Variants in MBTD1 observed in about 807,000 individuals in gnomAD.
The protein encoded by MBTD1 is MBT domain-containing protein 1.
Under a neutral mutation model 87.8 loss-of-function variants are expected in MBTD1, and 24 were observed. The observed-to-expected ratio is 0.27, with a 90% CI of 0.20 to 0.38. MBTD1 has a LOEUF of 0.38. MBTD1 is among the 10% of genes least tolerant of loss of function. The pLI is 1.00. For synonymous variants in MBTD1, 237 were observed against 248.6 expected (o/e 0.95, Z 0.44); for missense variants, 436 against 760.2 (o/e 0.57, Z 5.02).
At chr17:51,260,239 G>C (rs1484034979), upstream of MBTD1, 1 of 441,588 alleles carries the variant, frequency 2.3e-6, no homozygotes, top group Non-Finnish European at 4.0e-6. Context: ...ACAGCCAAGA[G>C]GAAAAGCAGA....
At chr17:51,186,357 GGAAA>G in intron 16 of MBTD1, 1 of 152,388 alleles carries the variant, frequency 6.6e-6, no homozygotes, top group East Asian at 1.9e-4. Context: ...CTGAAAAGAA[GGAAA>G]GAGAGACTGA....
intron 2 of MBTD1, among the ~76,000 whole-genome samples, chr17:51,226,030 C>A (rs1051174804): frequency 6.6e-6 from 1 of 150,428 alleles, no homozygotes; most frequent in African/African-American, 2.4e-5. Context: ...CCGCCCACCT[C>A]GGCCTCCCAA....
chr17:51,241,591 C>T (rs975906207), intron 2 of MBTD1, among the ~76,000 whole-genome samples: 2 of 152,030 alleles, frequency 1.3e-5, no homozygotes, highest in Admixed American at 6.6e-5. Context: ...TTTGAGATAG[C>T]GTCTCGCTGT....
chr17:51,208,702 A>C (rs1390845922), intron 6 of MBTD1, among the ~76,000 whole-genome samples: 1 of 152,216 alleles, frequency 6.6e-6, no homozygotes, highest in Non-Finnish European at 1.5e-5. Context: ...AGGCGTGCTT[A>C]TGCTAATGAG....
upstream of MBTD1, chr17:51,260,634 C>G (rs1276495643): frequency 2.5e-6 from 4 of 1,612,438 alleles, no homozygotes; most frequent in Non-Finnish European, 3.4e-6. Context: ...AGAACCGGAG[C>G]GAAGCCGAAG....
intron 12 of MBTD1, among the ~76,000 whole-genome samples, chr17:51,200,316 A>ACTC (rs1242322550): frequency 1.3e-5 from 2 of 151,098 alleles, no homozygotes; most frequent in African/African-American, 4.9e-5. Flanking sequence ...AATCCCAGCT[A>ACTC]CTCAGGAGGC....
At chr17:51,239,783 C>A (rs959546353) in intron 2 of MBTD1, among the ~76,000 whole-genome samples, 18 of 152,120 alleles carry the variant, frequency 1.2e-4, no homozygotes, top group Admixed American at 9.2e-4. Context: ...AAAAAAAATC[C>A]CAGTTGAGAA....
intron 2 of MBTD1, among the ~76,000 whole-genome samples, chr17:51,238,417 A>G (rs1013121948): frequency 6.6e-6 from 1 of 152,220 alleles, no homozygotes; most frequent in Non-Finnish European, 1.5e-5. Flanking sequence ...AAGAAAGAGG[A>G]AGACGGTTGA....
At chr17:51,189,155 T>G (rs1274827762) in intron 16 of MBTD1, among the ~76,000 whole-genome samples, 1 of 125,096 alleles carries the variant, frequency 8.0e-6, no homozygotes, top group African/African-American at 3.7e-5. Context: ...TGTAAATATT[T>G]ATATATATAT....
At chr17:51,246,764 T>TA (rs2054461473) in intron 2 of MBTD1, among the ~76,000 whole-genome samples, 1 of 152,056 alleles carries the variant, frequency 6.6e-6, no homozygotes, top group South Asian at 2.1e-4. Flanking sequence ...GCCTCCTGAG[T>TA]AGCTGGGACT....
intron 2 of MBTD1, among the ~76,000 whole-genome samples, chr17:51,247,686 G>A (rs1485191092): frequency 1.3e-5 from 2 of 152,158 alleles, no homozygotes; most frequent in African/African-American, 2.4e-5. Flanking sequence ...CTGGGGTCAA[G>A]TGATCCTCCT....
chr17:51,204,680 T>C (rs905093762), intron 7 of MBTD1, among the ~76,000 whole-genome samples: 2 of 151,612 alleles, frequency 1.3e-5, no homozygotes, highest in African/African-American at 4.8e-5. Context: ...TTTTTGTATT[T>C]TGTAGAGATG....
chr17:51,195,122 G>A (rs958360308), intron 13 of MBTD1, 92 bp downstream of exon 13: 26 of 1,142,414 alleles, frequency 2.3e-5, no homozygotes, highest in Non-Finnish European at 3.0e-5. Flanking sequence ...TACGTACTCA[G>A]GAAATCTAGG....
chr17:51,221,242 G>T (rs2143631805), intron 3 of MBTD1, among the ~76,000 whole-genome samples: 1 of 152,354 alleles, frequency 6.6e-6, no homozygotes, highest in Non-Finnish European at 1.5e-5. Context: ...GGGTTACAGT[G>T]AGCTATGATC....
chr17:51,243,553 A>G (rs1162596616), intron 2 of MBTD1, among the ~76,000 whole-genome samples: 2 of 152,248 alleles, frequency 1.3e-5, no homozygotes, highest in African/African-American at 4.8e-5. Flanking sequence ...AAATCTGACA[A>G]TATATGATAC....
intron 14 of MBTD1, 50 bp downstream of exon 14, chr17:51,193,378 T>G (rs756157188): frequency 1.6e-6 from 2 of 1,216,870 alleles, no homozygotes; most frequent in South Asian, 2.6e-5. Flanking sequence ...AAATTGTATT[T>G]GTGGGGCATT....
At chr17:51,190,776 T>G (rs2050771092) in intron 16 of MBTD1, among the ~76,000 whole-genome samples, 1 of 117,690 alleles carries the variant, frequency 8.5e-6, no homozygotes. Flanking sequence ...TATATAACCT[T>G]ATCTAAGAAT....
rs1191301890 is a variant in MBTD1, at chr17:51,179,520, A to ATTTATATT, written c.*1055_*1056insAATATAAA. 6 of 93,546 alleles carry ATTTATATT rather than the reference A, an allele frequency of 6.4e-5. No individual in the cohort carries two copies. Among genetic ancestry groups the ATTTATATT allele is most frequent in the East Asian group, 2.8e-4 (1 of 3,584 alleles). The allele number at this position is 93,546 out of a possible 1,614,324, so 5.8% of individuals were successfully genotyped here. A position where few individuals can be genotyped will look rare whatever the true frequency, so the allele number is the denominator to read the frequency against. On this transcript the variant is annotated 3_prime_UTR_variant, in exon 17 of 17. Coordinates refer to ENST00000586178, the MANE Select transcript of MBTD1 (RefSeq NM_017643.3). The stretch of plus-strand genomic sequence containing the variant: ...TATATATATATATATATATATATAT[A>ATTTATATT]TATATATATATATATATGGAATTTT...
chr17:51,226,260 C>G (rs752672795), intron 2 of MBTD1, among the ~76,000 whole-genome samples: 37 of 150,852 alleles, frequency 2.5e-4, no homozygotes, highest in Non-Finnish European at 5.0e-4. Context: ...TCCTATAATC[C>G]CAGCACTTTG....
Sources: gnomAD v4.1 joint callset for allele counts (sites outside exome capture counted in the v4.1 genomes callset) on GRCh38, gnomAD v4.1.1 for gene constraint, MANE v1.5 for transcripts, NCBI Gene and HGNC (gene_info 2026-07-23, HGNC 2026-07-21) for gene names.